Variants in OR5P3 observed in about 807,000 individuals in gnomAD.
OR5P3 encodes olfactory receptor 5P3.
For missense variants in OR5P3, 415 were observed against 375.6 expected, an observed-to-expected ratio of 1.10 and a Z score of -0.87; for synonymous variants, 172 against 141.8, an observed-to-expected ratio of 1.21 and a Z score of -1.51.
rs750745773 is a variant in OR5P3 at position 7,825,836 on chromosome 11, A to G, written c.137T>C (p.Ile46Thr). 3.0e-5 allele frequency: 49 copies of G among 1,612,850 alleles called. No homozygotes were observed. The highest frequency in any genetic ancestry group is 3.6e-5 in the Non-Finnish European group (43 of 1,179,902). ...VVTLMGNISI[I>T]VLIRRSHHLH... ...ATGATGACTTCTTCTGATCAATACAATTATGCTGATATTACCCATTAAGGT... is the reference window on the plus strand; with the variant it reads ...ATGATGACTTCTTCTGATCAATACAGTTATGCTGATATTACCCATTAAGGT... The change falls in exon 2 of 2, where the codon ATT (isoleucine) becomes ACT (threonine). Residue 46 changes from isoleucine (I) to threonine (T), a missense_variant. By Grantham distance (89) the Ile-to-Thr change is moderately conservative. Transcript: ENST00000641167.
chr11:7,828,007 A>G (rs1437438396), intron 1 of OR5P3, among the ~76,000 whole-genome samples: 1 of 152,142 alleles, frequency 6.6e-6, no homozygotes, highest in Non-Finnish European at 1.5e-5. Context: ...GAAAGGTAAG[A>G]TTGGTTAGTA....
At chr11:7,828,567 G>A (rs565066312) in intron 1 of OR5P3, among the ~76,000 whole-genome samples, 12 of 152,250 alleles carry the variant, frequency 7.9e-5, no homozygotes, top group Non-Finnish European at 1.5e-4. Flanking sequence ...CAACTCAGCT[G>A]ACCTGGAGTG....
chr11:7,826,448 C>T (rs1857742905), intron 1 of OR5P3, among the ~76,000 whole-genome samples: 1 of 152,096 alleles, frequency 6.6e-6, no homozygotes, highest in Admixed American at 6.5e-5. Flanking sequence ...ATTAAGAATT[C>T]CGAATTCCAA....
chr11:7,826,774 A>C (rs938167299), intron 1 of OR5P3, among the ~76,000 whole-genome samples: 3 of 152,214 alleles, frequency 2.0e-5, no homozygotes, highest in African/African-American at 7.2e-5. Flanking sequence ...CCAAAGATAC[A>C]ACTTATACCC....
rs753319106 is a variant in OR5P3 at position 7,825,872 on chromosome 11, A to T, written c.101T>A (p.Ile34Asn). Reference protein sequence around the residue: ...CAILFLVFLGIYVVTLMGNIS... With the variant: ...CAILFLVFLGNYVVTLMGNIS... The stretch of plus-strand genomic sequence containing the variant: ...ATTACCCATTAAGGTGACAACATAA[A>T]TTCCTAGAAACACAAGAAATAAAAT... Residue 34 changes from isoleucine to asparagine, a missense_variant, in exon 2 of 2, where the codon ATT (isoleucine) becomes AAT (asparagine). Ile to Asn is a moderately radical substitution (Grantham distance 149). Transcript: ENST00000641167. The T allele has an allele frequency of 4.3e-6, 7 of 1,610,492 alleles. No homozygotes were observed. Among genetic ancestry groups the T allele is most frequent in the Non-Finnish European group, 4.2e-6 (5 of 1,177,810 alleles).
rs1857735078 is a variant in OR5P3, at chr11:7,825,912, TATCCTCAGATAACCCC to T, written c.45_60del (p.Gly16LeufsTer12). 1 of 1,604,288 alleles carries T rather than the reference TATCCTCAGATAACCCC, an allele frequency of 6.2e-7. No homozygotes were observed. The highest frequency in any genetic ancestry group is 8.5e-7 in the Non-Finnish European group (1 of 1,173,710). ...AGAAATAAAATAGCACAAACTGTAG[TATCCTCAGATAACCCC>T]AAAAGAGTAAACTCTACCACAGTGG... On this transcript the variant is annotated frameshift_variant, in exon 2 of 2. Coordinates refer to ENST00000641167, the MANE Select transcript of OR5P3 (RefSeq NM_153445.2). LOFTEE classifies it low-confidence loss of function (END_TRUNC).
chr11:7,830,279 A>T (rs546721480), intron 1 of OR5P3, among the ~76,000 whole-genome samples: 1 of 152,256 alleles, frequency 6.6e-6, no homozygotes, highest in East Asian at 1.9e-4. Context: ...CTGAACTGAG[A>T]TGCTTGAATA....
intron 1 of OR5P3, among the ~76,000 whole-genome samples, chr11:7,828,900 T>C (rs1857777197): frequency 3.3e-5 from 5 of 152,026 alleles, no homozygotes; most frequent in Admixed American, 3.3e-4. Context: ...TGGCTAGAAA[T>C]AGAGAACATC....
chr11:7,825,462 GC>G lies in OR5P3; in HGVS notation c.510del (p.Pro171GlnfsTer15), dbSNP rs1251027076. The G allele has an allele frequency of 5.6e-6, 9 of 1,613,128 alleles. No homozygotes were observed. The highest frequency in any genetic ancestry group is 7.6e-6 in the Non-Finnish European group (9 of 1,180,044). ...IGCLLRLSFC[G>X]PNKVNHFFCD... is the part of the protein sequence containing the mutation. The stretch of plus-strand genomic sequence containing the variant: ...CAGAAAAAGTGATTGACTTTATTTG[GC>G]CCACAGAAGGACAGTCTTAATAAGC... On this transcript the variant is annotated frameshift_variant, in exon 2 of 2. Coordinates refer to ENST00000641167, the MANE Select transcript of OR5P3 (RefSeq NM_153445.2). LOFTEE classifies it low-confidence loss of function (END_TRUNC).
intron 1 of OR5P3, among the ~76,000 whole-genome samples, chr11:7,830,620 C>G (rs999957936): frequency 2.1e-4 from 32 of 152,240 alleles, no homozygotes; most frequent in Non-Finnish European, 4.4e-4. Flanking sequence ...CTGTTCAACT[C>G]TTCATTACGT....
Position 7,824,973 on chromosome 11 carries a change from G to T in OR5P3, c.*64C>A. On this transcript the variant is annotated 3_prime_UTR_variant, in exon 2 of 2. Coordinates refer to ENST00000641167, the MANE Select transcript of OR5P3 (RefSeq NM_153445.2). ...AGATAAATTTTGACCACAAACACTC[G>T]GTGTCTTATTATTATTATATATAGA... is the stretch of plus-strand genomic sequence containing the variant. 7.9e-7 allele frequency: 1 copy of T among 1,273,358 alleles called. No individual in the cohort carries two copies. The highest frequency in any genetic ancestry group is 1.1e-6 in the Non-Finnish European group (1 of 945,722). The allele number at this position is 1,273,358 out of a possible 1,614,324, so 78.9% of individuals were successfully genotyped here.
At position 7,825,862 on chromosome 11, in the gene OR5P3, G is replaced by A. The variant is rs755660443; in HGVS notation, c.111C>T (p.Val37=). 3.7e-6 allele frequency: 6 copies of A among 1,610,744 alleles called. 1 individual carries two copies. The highest frequency in any genetic ancestry group is 2.7e-5 in the African/African-American group (2 of 73,798). ...TTATGCTGATATTACCCATTAAGGT[G>A]ACAACATAAATTCCTAGAAACACAA... ...LFLVFLGIYV[V]TLMGNISIIV... is the part of the protein sequence containing the mutation. The change falls in exon 2 of 2, where the codon GTC becomes GTT. Residue 37 remains valine (V), a synonymous_variant. Coordinates refer to ENST00000641167, the MANE Select transcript of OR5P3 (RefSeq NM_153445.2).
Position 7,825,780 on chromosome 11 carries a change from G to C in OR5P3, c.193C>G (p.His65Asp), listed in dbSNP as rs770599210. The C allele has an allele frequency of 6.2e-6, 10 of 1,613,050 alleles. No homozygotes were observed. The East Asian group carries it at 6.7e-5, about 11-fold the overall frequency. The change falls in exon 2 of 2, where the codon CAT becomes GAT. Residue 65 changes from histidine to aspartate, a missense_variant. By Grantham distance (81) the His-to-Asp change is moderately conservative (BLOSUM62 -1). Transcript: ENST00000641167. ...LHTPMYIFLC[H>D]LAFVDIGYSS... ...TACCCAATGTCTACAAAGGCCAAAT[G>C]GCAGAGGAAAATGTACATGGGTGTA...
intron 1 of OR5P3, among the ~76,000 whole-genome samples, chr11:7,829,782 GT>G (rs942518364): frequency 2.0e-5 from 3 of 151,964 alleles, no homozygotes; most frequent in Non-Finnish European, 4.4e-5. Flanking sequence ...AAGCAAAAGT[GT>G]TTTTTTAAAA....
intron 1 of OR5P3, among the ~76,000 whole-genome samples, chr11:7,827,268 T>C (rs964682268): frequency 3.3e-5 from 5 of 152,216 alleles, no homozygotes; most frequent in Admixed American, 6.5e-5. Flanking sequence ...TTTAAAATTA[T>C]GCTAACATAT....
At chr11:7,828,022 C>G (rs1857764152) in intron 1 of OR5P3, among the ~76,000 whole-genome samples, 1 of 152,070 alleles carries the variant, frequency 6.6e-6, no homozygotes, top group South Asian at 2.1e-4. Context: ...TTAGTATAGT[C>G]TGATGACATA....
rs569656981 is a variant in OR5P3, at chr11:7,824,965, A to G, written c.*72T>C. 3.2e-6 allele frequency: 4 copies of G among 1,255,610 alleles called. No individual in the cohort carries two copies. The African/African-American group carries it at 6.1e-5, about 19-fold the overall frequency. The allele number at this position is 1,255,610 out of a possible 1,614,324, so 77.8% of individuals were successfully genotyped here. A position where few individuals can be genotyped will look rare whatever the true frequency, so the allele number is the denominator to read the frequency against. ...CTATGGACAGATAAATTTTGACCAC[A>G]AACACTCGGTGTCTTATTATTATTA... On this transcript the variant is annotated 3_prime_UTR_variant, in exon 2 of 2. Transcript: ENST00000641167.
chr11:7,829,516 C>A (rs1362060926), intron 1 of OR5P3, among the ~76,000 whole-genome samples: 3 of 152,078 alleles, frequency 2.0e-5, no homozygotes, highest in Non-Finnish European at 4.4e-5. Flanking sequence ...AAATTGGTGA[C>A]AGCACTATGA....
rs1297783604 is a variant in OR5P3, at chr11:7,825,583, C to G, written c.390G>C (p.Leu130=). ...YDRYVAICSP[L]LYSTCMSPGV... ...CAGGGGACATGCAGGTAGAGTAGAGCAGGGGTGAGCAGATGGCCACATAGC... is the reference window on the plus strand; with the variant it reads ...CAGGGGACATGCAGGTAGAGTAGAGGAGGGGTGAGCAGATGGCCACATAGC... Residue 130 remains leucine, a synonymous_variant, in exon 2 of 2, where the codon CTG becomes CTC. Coordinates refer to ENST00000641167, the MANE Select transcript of OR5P3 (RefSeq NM_153445.2). 1 of 1,612,990 alleles carries G rather than the reference C, an allele frequency of 6.2e-7. No individual in the cohort carries two copies. The highest frequency in any genetic ancestry group is 1.4e-5 in the African/African-American group (1 of 73,952).
Sources: allele counts gnomAD v4.1 joint callset (sites outside exome capture counted in the v4.1 genomes callset), GRCh38; gene constraint gnomAD v4.1.1; transcripts MANE v1.5; gene names NCBI Gene and HGNC (gene_info 2026-07-23, HGNC 2026-07-21).